NKAIN2: variants seen among roughly 807,000 people sequenced by gnomAD.
NKAIN2 encodes sodium/potassium-transporting ATPase subunit beta-1-interacting protein 2.
A neutral mutation model predicts 32.6 loss-of-function variants in NKAIN2; 14 were observed. The observed-to-expected ratio is 0.43, with a 90% CI of 0.28 to 0.67. The LOEUF (loss-of-function observed/expected upper bound fraction) is 0.67, where lower values mean the gene tolerates loss of function less well. Ranked by LOEUF, NKAIN2 falls within the 30% of genes least tolerant of loss-of-function variation. NKAIN2 has a pLI of 0.17. For missense variants in NKAIN2, 198 were observed against 258.3 expected (o/e 0.77, Z 1.60); for synonymous variants, 80 against 87.2 (o/e 0.92, Z 0.46).
chr6:123,809,150 A>G (rs1773346058), intron 1 of NKAIN2, among the ~76,000 whole-genome samples: 1 of 152,152 alleles, frequency 6.6e-6, no homozygotes, highest in Non-Finnish European at 1.5e-5. Flanking sequence ...AAATTACCCT[A>G]TTTCCAATAA....
intron 4 of NKAIN2, among the ~76,000 whole-genome samples, chr6:124,679,098 T>C (rs1018117272): frequency 6.6e-6 from 1 of 152,100 alleles, no homozygotes; most frequent in Admixed American, 6.6e-5. Flanking sequence ...CTAGGTCTCA[T>C]TAGGACTCCA....
Position 124,269,173 on chromosome 6 carries a change from G to A in NKAIN2, c.55-13832G>A, listed in dbSNP as rs190299545. On this transcript the variant is annotated intron_variant, in intron 1 of 6. Coordinates refer to ENST00000368417, the MANE Select transcript of NKAIN2 (RefSeq NM_001040214.3). The stretch of plus-strand genomic sequence containing the variant: ...TGTGGTAGAACTTCTAAAACTGATA[G>A]AAAATATCATGTCTTATTACACTTA... Among the ~76,000 whole-genome samples the A allele has an allele frequency of 2.8e-3, 432 of 152,228 alleles. 2 individuals are homozygous for A. Among genetic ancestry groups the A allele is most frequent in the African/African-American group, 9.5e-3 (394 of 41,534 alleles).
chr6:123,812,965 T>G (rs1284735740), intron 1 of NKAIN2, among the ~76,000 whole-genome samples: 1 of 152,246 alleles, frequency 6.6e-6, no homozygotes, highest in African/African-American at 2.4e-5. Flanking sequence ...TTCAAATCCT[T>G]TAACTGACAG....
At chr6:124,779,253 G>GAGAGAGAGAGAGAGAA (rs1309003881) in intron 4 of NKAIN2, among the ~76,000 whole-genome samples, 1 of 25,126 alleles carries the variant, frequency 4.0e-5, no homozygotes, top group Non-Finnish European at 1.3e-4. Context: ...AAGAAAGAGA[G>GAGAGAGAGAGAGAGAA]AGAGAGAGAG....
intron 1 of NKAIN2, among the ~76,000 whole-genome samples, chr6:123,848,190 A>C (rs1775171071): frequency 6.6e-6 from 1 of 152,198 alleles, no homozygotes; most frequent in East Asian, 1.9e-4. Context: ...AGAAACCTGT[A>C]CTGGAGCCTA....
chr6:124,563,544 G>A (rs2114899439), intron 3 of NKAIN2, among the ~76,000 whole-genome samples: 1 of 152,160 alleles, frequency 6.6e-6, no homozygotes, highest in Admixed American at 6.5e-5. Flanking sequence ...ATGTCCACAG[G>A]GTCTTTCACA....
chr6:124,225,560 T>G (rs1166801292), intron 1 of NKAIN2, among the ~76,000 whole-genome samples: 11 of 151,980 alleles, frequency 7.2e-5, no homozygotes, highest in Admixed American at 1.3e-4. Flanking sequence ...TCTTATAACT[T>G]GTAATTTGGA....
chr6:123,860,988 C>T (rs1048454573), intron 1 of NKAIN2, among the ~76,000 whole-genome samples: 1 of 152,196 alleles, frequency 6.6e-6, no homozygotes, highest in Admixed American at 6.5e-5. Context: ...CATTGCCACT[C>T]AGGTGTTCTT....
At chr6:124,636,082 T>C (rs145402649) in intron 3 of NKAIN2, among the ~76,000 whole-genome samples, 2 of 152,004 alleles carry the variant, frequency 1.3e-5, no homozygotes, top group East Asian at 3.9e-4. Context: ...ATTTAAATCA[T>C]GTCAAGTATC....
At position 123,804,143 on chromosome 6, in the gene NKAIN2, G is replaced by A; in HGVS notation, c.-58G>A. On this transcript the variant is annotated 5_prime_UTR_variant, in exon 1 of 7. Transcript: ENST00000368417. Reference sequence around the variant, plus strand: ...TCCCCGCGATCTGATTGGATAAAGTGGGGGCTCGACGGTGGCCGACGTGGG... The same window carrying A: ...TCCCCGCGATCTGATTGGATAAAGTAGGGGCTCGACGGTGGCCGACGTGGG... 6.7e-7 allele frequency: 1 copy of A among 1,489,730 alleles called. No individual in the cohort carries two copies. Among genetic ancestry groups the A allele is most frequent in the Non-Finnish European group, 9.4e-7 (1 of 1,066,978 alleles). The allele number at this position is 1,489,730 out of a possible 1,614,324, so 92.3% of individuals were successfully genotyped here.
intron 1 of NKAIN2, among the ~76,000 whole-genome samples, chr6:124,054,337 T>C (rs1782549395): frequency 6.6e-6 from 1 of 151,796 alleles, no homozygotes; most frequent in Non-Finnish European, 1.5e-5. Context: ...GTGAAATAAG[T>C]GGTTGGAAAT....
At position 124,312,731 on chromosome 6, in the gene NKAIN2, T is replaced by A. The variant is rs529954480; in HGVS notation, c.192+29589T>A. ...GAAGCAATGAACAATTATGCATAAATGTGATTGGACAAAAGGGTGTGATCT... is the reference window on the plus strand; with the variant it reads ...GAAGCAATGAACAATTATGCATAAAAGTGATTGGACAAAAGGGTGTGATCT... On this transcript the variant is annotated intron_variant, in intron 2 of 6. Transcript: ENST00000368417. 3.3e-5 allele frequency among the ~76,000 whole-genome samples: 5 copies of A among 152,256 alleles called. No individual in the cohort carries two copies. In the South Asian group the frequency reaches 1.0e-3, roughly 32 times the overall value.
chr6:124,334,646 T>G (rs2115061575), intron 2 of NKAIN2, among the ~76,000 whole-genome samples: 1 of 152,234 alleles, frequency 6.6e-6, no homozygotes, highest in East Asian at 1.9e-4. Flanking sequence ...ACTTCAAACA[T>G]GAATCTTAGG....
intron 4 of NKAIN2, among the ~76,000 whole-genome samples, chr6:124,694,550 T>C (rs968982274): frequency 3.3e-5 from 5 of 152,228 alleles, no homozygotes; most frequent in African/African-American, 1.2e-4. Flanking sequence ...CATTTCTTCA[T>C]TCAGCCTCTG....
chr6:123,929,446 G>T (rs2114515769), intron 1 of NKAIN2, among the ~76,000 whole-genome samples: 1 of 152,178 alleles, frequency 6.6e-6, no homozygotes, highest in South Asian at 2.1e-4. Context: ...AGAAAGAGAT[G>T]AAATGACTCT....
intron 4 of NKAIN2, among the ~76,000 whole-genome samples, chr6:124,783,812 A>G (rs928163676): frequency 4.6e-5 from 7 of 152,212 alleles, no homozygotes; most frequent in African/African-American, 1.7e-4. Context: ...ATCATCTGCA[A>G]CTTAAAATTA....
chr6:124,767,138 C>G lies in NKAIN2; in HGVS notation c.475-24201C>G, dbSNP rs376799880. Among the ~76,000 whole-genome samples, 8 of 152,204 alleles carry G rather than the reference C, an allele frequency of 5.3e-5. No homozygotes were observed. The East Asian group carries it at 9.7e-4, about 18-fold the overall frequency. ...TTCAAACTCCTGACCTCGTGATCTG[C>G]CCACCTTGGCCTCCCAAAGTGCTGG... On this transcript the variant is annotated intron_variant, in intron 4 of 6. Coordinates refer to ENST00000368417, the MANE Select transcript of NKAIN2 (RefSeq NM_001040214.3).
At chr6:124,139,810 T>G (rs1562380759) in intron 1 of NKAIN2, among the ~76,000 whole-genome samples, 2 of 152,174 alleles carry the variant, frequency 1.3e-5, no homozygotes, top group Admixed American at 6.5e-5. Context: ...AGAACACTAG[T>G]GTTTGGGAGA....
chr6:124,299,611 G>A (rs562199897), intron 2 of NKAIN2, among the ~76,000 whole-genome samples: 298 of 152,060 alleles, frequency 2.0e-3, no homozygotes, highest in African/African-American at 6.4e-3. Context: ...AAATAACATC[G>A]TCATAGATAT....
Sources: allele counts gnomAD v4.1 joint callset (sites outside exome capture counted in the v4.1 genomes callset), GRCh38; gene constraint gnomAD v4.1.1; transcripts MANE v1.5; gene names NCBI Gene and HGNC (gene_info 2026-07-23, HGNC 2026-07-21).